PIK3R3: variants seen among roughly 807,000 people sequenced by gnomAD.
The protein encoded by PIK3R3 is phosphatidylinositol 3-kinase regulatory subunit gamma.
Under a neutral mutation model 62.9 loss-of-function variants are expected in PIK3R3, and 64 were observed. The ratio of observed to expected loss-of-function variants is 1.02; its 90% CI spans 0.83 to 1.25. The LOEUF is 1.25. PIK3R3 is among the 50% of genes most tolerant of loss of function. PIK3R3 has a pLI of 0.00. For synonymous variants in PIK3R3, 165 were observed against 189.0 expected (o/e 0.87, Z 1.04); for missense variants, 614 against 561.6 (o/e 1.09, Z -0.94).
At chr1:46,157,991 G>T in the PIK3R3 span, among the ~76,000 whole-genome samples, 1 of 152,108 alleles carries the variant, frequency 6.6e-6, no homozygotes, top group African/African-American at 2.4e-5. Flanking sequence ...GATAATCCTT[G>T]GGGAGCAGGT....
the PIK3R3 span, among the ~76,000 whole-genome samples, chr1:46,154,917 G>T: frequency 6.6e-6 from 1 of 152,172 alleles, no homozygotes; most frequent in Non-Finnish European, 1.5e-5. Context: ...AGCCAAAGAA[G>T]CCCTCTCCAT....
At chr1:46,117,294 A>T (rs1028214632) in intron 1 of PIK3R3, among the ~76,000 whole-genome samples, 7 of 152,068 alleles carry the variant, frequency 4.6e-5, no homozygotes, top group African/African-American at 1.7e-4. Flanking sequence ...TTAGCTAGGT[A>T]TGGTGGCACG....
At chr1:46,069,135 G>A (rs557480839) in intron 3 of PIK3R3, among the ~76,000 whole-genome samples, 1 of 152,284 alleles carries the variant, frequency 6.6e-6, no homozygotes, top group South Asian at 2.1e-4. Context: ...ATATGACAGA[G>A]AGACAAGATA....
intron 1 of PIK3R3, among the ~76,000 whole-genome samples, chr1:46,119,911 G>A (rs1366761663): frequency 6.6e-6 from 1 of 151,690 alleles, no homozygotes; most frequent in Non-Finnish European, 1.5e-5. Flanking sequence ...CCAAGTAGCT[G>A]GGACTATAAG....
intron 1 of PIK3R3, among the ~76,000 whole-genome samples, chr1:46,123,646 G>A (rs1053562292): frequency 3.9e-5 from 6 of 152,182 alleles, no homozygotes; most frequent in Non-Finnish European, 8.8e-5. Flanking sequence ...CCAGTTTAGA[G>A]GTACTGGTTA....
chr1:46,096,251 C>A (rs994074243), intron 1 of PIK3R3, among the ~76,000 whole-genome samples: 1 of 152,220 alleles, frequency 6.6e-6, no homozygotes, highest in African/African-American at 2.4e-5. Flanking sequence ...CCTTTTCACA[C>A]ACTACTAATC....
intron 1 of PIK3R3, among the ~76,000 whole-genome samples, chr1:46,107,887 T>C (rs1438193060): frequency 6.6e-6 from 1 of 152,192 alleles, no homozygotes; most frequent in East Asian, 1.9e-4. Context: ...TAATACTACA[T>C]AGATAAAACA....
rs575504572 is a variant in PIK3R3, at chr1:46,046,233, A to G, written c.1017-145T>C. 11 of 609,422 alleles carry G rather than the reference A, an allele frequency of 1.8e-5. No individual in the cohort carries two copies. The East Asian group carries it at 2.2e-4, about 12-fold the overall frequency. 37.8% of individuals were successfully genotyped at this position (609,422 alleles called of 1,614,324 possible). On this transcript the variant is annotated intron_variant, in intron 8 of 9. Transcript: ENST00000262741. Reference sequence around the variant, plus strand: ...TTGGGTGTTAACTTCATTACTTGCTATGGTGCATAAAGCAAAGAATTCATG... The same window carrying G: ...TTGGGTGTTAACTTCATTACTTGCTGTGGTGCATAAAGCAAAGAATTCATG...
At position 46,111,753 on chromosome 1, in the gene PIK3R3, G is replaced by T. The variant is rs527796067; in HGVS notation, c.106+20094C>A. On this transcript the variant is annotated intron_variant, in intron 1 of 9. Coordinates refer to ENST00000262741, the MANE Select transcript of PIK3R3 (RefSeq NM_003629.4). ...AAAAAGGGTGGGGGGGCATGTTTTG[G>T]GTCTCTGAGAAGCTGGCTATCTATA... Among the ~76,000 whole-genome samples, 29 of 151,954 alleles carry T rather than the reference G, an allele frequency of 1.9e-4. No individual in the cohort carries two copies. The South Asian group carries it at 3.3e-3, about 17-fold the overall frequency.
At position 46,076,990 on chromosome 1, in the gene PIK3R3, C is replaced by A. The variant is rs181866669; in HGVS notation, c.314+525G>T. On this transcript the variant is annotated intron_variant, in intron 3 of 9. Transcript: ENST00000262741. ...AAATTAAATGTGGAAATTTCTCATG[C>A]AGTTTTCTTAACCTTTTAAAAATAT... is the stretch of plus-strand genomic sequence containing the variant. Among the ~76,000 whole-genome samples the A allele has an allele frequency of 2.6e-5, 4 of 152,192 alleles. No homozygotes were observed. In the East Asian group the frequency reaches 7.7e-4, roughly 29 times the overall value.
chr1:46,092,531 T>C (rs1316780772), intron 1 of PIK3R3, among the ~76,000 whole-genome samples: 1 of 152,052 alleles, frequency 6.6e-6, no homozygotes, highest in Non-Finnish European at 1.5e-5. Context: ...GCCCGGCTAA[T>C]TTTTTGTATT....
At chr1:46,137,727 C>T (rs564258932), upstream of PIK3R3, among the ~76,000 whole-genome samples, 1 of 152,322 alleles carries the variant, frequency 6.6e-6, no homozygotes, top group South Asian at 2.1e-4. Flanking sequence ...ACAGTGGTTC[C>T]TCATGGTCCT....
chr1:46,167,685 A>T, the PIK3R3 span, among the ~76,000 whole-genome samples: 2 of 152,072 alleles, frequency 1.3e-5, no homozygotes, highest in African/African-American at 2.4e-5. Context: ...CTGTGTGCTC[A>T]CAGAGCACAG....
chr1:46,088,761 T>G (rs1436231564), intron 1 of PIK3R3, among the ~76,000 whole-genome samples: 2 of 150,834 alleles, frequency 1.3e-5, no homozygotes. Flanking sequence ...ATTTCCTGAA[T>G]GAAAATGCCC....
At position 46,046,539 on chromosome 1, in the gene PIK3R3, G is replaced by C; in HGVS notation, c.1016+12C>G. The C allele has an allele frequency of 1.9e-6, 3 of 1,570,846 alleles. No individual in the cohort carries two copies. Among genetic ancestry groups the C allele is most frequent in the Non-Finnish European group, 1.8e-6 (2 of 1,140,512 alleles). The stretch of plus-strand genomic sequence containing the variant: ...CAAAGCCCTCTGACAGAAAGGTATA[G>C]AGAGAACTTACTCATCAGCATCCTC... On this transcript the variant is annotated intron_variant, in intron 8 of 9. Coordinates refer to ENST00000262741, the MANE Select transcript of PIK3R3 (RefSeq NM_003629.4).
At chr1:46,134,764 C>T (rs935217731), upstream of PIK3R3, 1 of 152,200 alleles carries the variant, frequency 6.6e-6, no homozygotes, top group Non-Finnish European at 1.5e-5. Flanking sequence ...TTCCACAGCA[C>T]CTTTTGCCTG....
chr1:46,048,245 A>G (rs936600683), intron 7 of PIK3R3: 11 of 152,226 alleles, frequency 7.2e-5, no homozygotes, highest in African/African-American at 2.4e-4. Flanking sequence ...TGCTTTTAAC[A>G]AAATCTTCAC....
At chr1:46,115,948 C>T (rs553236002) in intron 1 of PIK3R3, among the ~76,000 whole-genome samples, 2 of 152,104 alleles carry the variant, frequency 1.3e-5, no homozygotes, top group East Asian at 3.9e-4. Flanking sequence ...AGAAGGGTTA[C>T]AAAAGAAACG....
chr1:46,156,498 A>G, the PIK3R3 span, among the ~76,000 whole-genome samples: 8 of 151,432 alleles, frequency 5.3e-5, no homozygotes, highest in Non-Finnish European at 1.0e-4. Flanking sequence ...ATTTCTGACC[A>G]TGAAGAATCT....
Sources: allele counts gnomAD v4.1 joint callset (sites outside exome capture counted in the v4.1 genomes callset), GRCh38; gene constraint gnomAD v4.1.1; transcripts MANE v1.5; gene names NCBI Gene and HGNC (gene_info 2026-07-23, HGNC 2026-07-21).